MZF1: variants seen among roughly 807,000 people sequenced by gnomAD.
The protein encoded by MZF1 is zinc finger and SCAN domain-containing protein 6.
MZF1 carries 24 observed loss-of-function variants against 28.6 expected under a neutral mutation model. The ratio of observed to expected loss-of-function variants is 0.84; its 90% CI spans 0.61 to 1.18. The LOEUF (loss-of-function observed/expected upper bound fraction) is 1.18, where lower values mean the gene tolerates loss of function less well. MZF1 is among the 50% of genes most tolerant of loss of function. MZF1 has a pLI of 0.00. For synonymous variants in MZF1, 516 were observed against 432.5 expected (o/e 1.19, Z -2.40); for missense variants, 1,166 against 1,026.4 (o/e 1.14, Z -1.86).
At position 58,562,899 on chromosome 19, in the gene MZF1, G is replaced by T; in HGVS notation, c.1378C>A (p.Arg460Ser). ...RQRSNLLQHQ[R>S]IHGDPPGPGA... ...GGGCCCGGGGGATCGCCGTGGATGC[G>T]CTGGTGCTGCAGCAGATTGGAGCGC... The change falls in exon 6 of 6, where the codon CGC (arginine) becomes AGC (serine). Residue 460 changes from arginine to serine, a missense_variant. Physicochemically the swap from Arg to Ser is moderately radical, Grantham distance 110. Transcript: ENST00000215057. 3 of 1,581,582 alleles carry T rather than the reference G, an allele frequency of 1.9e-6. No homozygotes were observed. The highest frequency in any genetic ancestry group is 1.7e-6 in the Non-Finnish European group (2 of 1,169,788).
intron 4 of MZF1, 28 bp downstream of exon 4, chr19:58,569,488 G>A: frequency 6.2e-7 from 1 of 1,613,144 alleles, no homozygotes; most frequent in Non-Finnish European, 8.5e-7. Context: ...AGGGAAAGGA[G>A]GAGAACATGG....
In MZF1 at chr19:58,562,092, G is replaced by A; in HGVS notation, c.2185C>T (p.Arg729Cys). The change falls in exon 6 of 6, where the codon CGC becomes TGC. Residue 729 changes from arginine (R) to cysteine (C), a missense_variant. By Grantham distance (180) the Arg-to-Cys change is radical. Transcript: ENST00000215057. ...TGGAGCTACTCGGCGCTGTGGACGC[G>A]CTGGTGCTGAATGAGCTTGGTGCTC... ...HQSTKLIQHQ[R>C]VHSAE 1.9e-6 allele frequency: 3 copies of A among 1,571,082 alleles called. No individual in the cohort carries two copies. Among genetic ancestry groups the A allele is most frequent in the Non-Finnish European group, 8.6e-7 (1 of 1,160,144 alleles).
At chr19:58,567,641 T>C (rs544582134) in intron 5 of MZF1, among the ~76,000 whole-genome samples, 161 of 152,266 alleles carry the variant, frequency 1.1e-3, no homozygotes, top group African/African-American at 3.6e-3. Flanking sequence ...CATCCACTCA[T>C]ACTCAAGCTG....
intron 2 of MZF1, 174 bp downstream of exon 2, chr19:58,570,820 G>A: frequency 1.4e-6 from 1 of 714,068 alleles, no homozygotes; most frequent in Admixed American, 2.9e-5. Flanking sequence ...GGGCTGGGGA[G>A]TCTGGCCCTG....
chr19:58,562,197 G>A lies in MZF1; in HGVS notation c.2080C>T (p.Pro694Ser). 1 of 1,607,594 alleles carries A rather than the reference G, an allele frequency of 6.2e-7. No individual in the cohort carries two copies. Residue 694 changes from proline to serine, a missense_variant, in exon 6 of 6, where the codon CCC (proline) becomes TCC (serine). Physicochemically the swap from Pro to Ser is moderately conservative, Grantham distance 74 (BLOSUM62 -1). Coordinates refer to ENST00000215057, the MANE Select transcript of MZF1 (RefSeq NM_198055.2). ...PECGKAFRQR[P>S]TLTQHLRTHR... is the part of the protein sequence containing the mutation. ...GTGCGCAGATGCTGCGTGAGCGTGGGCCGCTGGCGGAAGGCCTTGCCACAC... is the reference window on the plus strand; with the variant it reads ...GTGCGCAGATGCTGCGTGAGCGTGGACCGCTGGCGGAAGGCCTTGCCACAC...
chr19:58,563,469 G>C lies in MZF1; in HGVS notation c.808C>G (p.Pro270Ala), dbSNP rs1378167206. The change falls in exon 6 of 6, where the codon CCA (proline) becomes GCA (alanine). Residue 270 changes from proline (P) to alanine (A), a missense_variant. Transcript: ENST00000215057. ...ALQLGSISAG[P>A]GSVSPHLHVP... ...TGGAGGTGAGGGCTTACACTACCTGGACCTGCGGAGATGCTGCCTAGCTGC... is the reference window on the plus strand; with the variant it reads ...TGGAGGTGAGGGCTTACACTACCTGCACCTGCGGAGATGCTGCCTAGCTGC... 1 of 1,565,532 alleles carries C rather than the reference G, an allele frequency of 6.4e-7. No homozygotes were observed. Among genetic ancestry groups the C allele is most frequent in the African/African-American group, 1.4e-5 (1 of 73,618 alleles).
intron 5 of MZF1, among the ~76,000 whole-genome samples, chr19:58,567,819 T>C (rs116255688): frequency 0.01 from 1,567 of 152,242 alleles, 29 homozygotes; most frequent in African/African-American, 0.036. Context: ...AACACACTGT[T>C]TTTTTTTAAA....
rs1255897731 is a variant in MZF1 at position 58,563,016 on chromosome 19, A to G, written c.1261T>C (p.Phe421Leu). Residue 421 changes from phenylalanine to leucine, a missense_variant, in exon 6 of 6, where the codon TTC (phenylalanine) becomes CTC (leucine). Physicochemically the swap from Phe to Leu is conservative, Grantham distance 22. Coordinates refer to ENST00000215057, the MANE Select transcript of MZF1 (RefSeq NM_198055.2). Reference sequence around the variant, plus strand: ...TCTTCCAGGCGCGCGCTGCGCACGAAGCCCTGGCCACAGTCGCCGCACACG... The same window carrying G: ...TCTTCCAGGCGCGCGCTGCGCACGAGGCCCTGGCCACAGTCGCCGCACACG... ...PFVCGDCGQGFVRSARLEEHR... is the reference protein window; with the variant it reads ...PFVCGDCGQGLVRSARLEEHR... The G allele has an allele frequency of 5.0e-6, 8 of 1,601,936 alleles. No homozygotes were observed. In the Admixed American group the frequency reaches 1.0e-4, roughly 20 times the overall value.
intron 2 of MZF1, 181 bp downstream of exon 2, chr19:58,570,813 C>G: frequency 1.4e-6 from 1 of 693,134 alleles, no homozygotes; most frequent in Non-Finnish European, 2.4e-6. Flanking sequence ...CAGGAATGGG[C>G]TGGGGAGTCT....
intron 3 of MZF1, chr19:58,569,788 C>T: frequency 1.8e-6 from 1 of 556,200 alleles, no homozygotes; most frequent in Non-Finnish European, 3.2e-6. Context: ...GGTTGAGCTG[C>T]AGTGGGATGA....
chr19:58,565,569 G>C (rs2122700914), intron 5 of MZF1, among the ~76,000 whole-genome samples: 1 of 151,546 alleles, frequency 6.6e-6, no homozygotes, highest in African/African-American at 2.4e-5. Flanking sequence ...GTCTCGCTCT[G>C]TTGCCCAGGC....
At chr19:58,572,828 G>A (rs2054191025) in intron 1 of MZF1, 2 of 332,464 alleles carry the variant, frequency 6.0e-6, no homozygotes, top group Admixed American at 4.0e-5. Flanking sequence ...GCCAAGGTAG[G>A]TCCAGACGAC....
chr19:58,562,553 C>T lies in MZF1; in HGVS notation c.1724G>A (p.Gly575Asp). The T allele has an allele frequency of 6.2e-7, 1 of 1,603,780 alleles. No individual in the cohort carries two copies. The change falls in exon 6 of 6, where the codon GGC becomes GAC. Residue 575 changes from glycine to aspartate, a missense_variant. Coordinates refer to ENST00000215057, the MANE Select transcript of MZF1 (RefSeq NM_198055.2). ...GERPFACAEC[G>D]KAFRQRPTLT... is the part of the protein sequence containing the mutation. The stretch of plus-strand genomic sequence containing the variant: ...CGTAGGCCGCTGGCGGAAGGCCTTG[C>T]CACACTCGGCGCAGGCGAAGGGCCG...
rs1006989030 is a variant in MZF1, at chr19:58,573,177, C to T, written c.-163G>A. On this transcript the variant is annotated 5_prime_UTR_variant, in exon 1 of 6. Coordinates refer to ENST00000215057, the MANE Select transcript of MZF1 (RefSeq NM_198055.2). ...GCTCGAGCGCCTCCTTGCCCTTCCC[C>T]CACCCTCGTCCCCGTTTCTACACCC... 6.5e-6 allele frequency: 1 copy of T among 153,550 alleles called. No individual in the cohort carries two copies. The highest frequency in any genetic ancestry group is 1.8e-4 in the South Asian group (1 of 5,656). The allele number at this position is 153,550 out of a possible 1,614,324, so 9.5% of individuals were successfully genotyped here. A position where few individuals can be genotyped will look rare whatever the true frequency, so the allele number is the denominator to read the frequency against.
At chr19:58,564,368 A>G (rs909017899) in intron 5 of MZF1, 3 of 152,268 alleles carry the variant, frequency 2.0e-5, no homozygotes, top group Admixed American at 6.5e-5. Flanking sequence ...GGCAAACCAA[A>G]AAACTCTCCA....
Position 58,562,583 on chromosome 19 carries a change from C to G in MZF1, c.1694G>C (p.Gly565Ala). Residue 565 changes from glycine (G) to alanine (A), a missense_variant, in exon 6 of 6, where the codon GGG (glycine) becomes GCG (alanine). Physicochemically the swap from Gly to Ala is moderately conservative, Grantham distance 60. Coordinates refer to ENST00000215057, the MANE Select transcript of MZF1 (RefSeq NM_198055.2). The part of the protein sequence containing the change: ...NLTQHRRIHT[G>A]ERPFACAECG... ...CTCGGCGCAGGCGAAGGGCCGCTCC[C>G]CGGTGTGGATGCGCCGGTGCTGCGT... The G allele has an allele frequency of 6.3e-7, 1 of 1,592,054 alleles. No homozygotes were observed.
At chr19:58,569,696 G>T in intron 3 of MZF1, 110 bp from the exon 4 acceptor site, 1 of 1,002,374 alleles carries the variant, frequency 1.0e-6, no homozygotes, top group Non-Finnish European at 1.5e-6. Flanking sequence ...TTGGTTGTGG[G>T]CTTGGGTTGG....
intron 5 of MZF1, chr19:58,568,572 T>G (rs1234340911): frequency 6.6e-6 from 1 of 152,212 alleles, no homozygotes; most frequent in Non-Finnish European, 1.5e-5. Flanking sequence ...AAAAGAATTC[T>G]TCCAGCCAAA....
rs10422621 is a variant in MZF1, at chr19:58,571,468, A to G, written c.-40-39T>C. 21,793 of 1,540,362 alleles carry G rather than the reference A, an allele frequency of 0.014. 2,109 individuals are homozygous for G. In the African/African-American group the frequency reaches 0.23, roughly 17 times the overall value. On this transcript the variant is annotated intron_variant, in intron 1 of 5. Coordinates refer to ENST00000215057, the MANE Select transcript of MZF1 (RefSeq NM_198055.2). Reference sequence around the variant, plus strand: ...AGGATGAGGCTGTTGCAAAAGGAGTACAGTGAATGCTTCACTGCCTAGTCT... The same window carrying G: ...AGGATGAGGCTGTTGCAAAAGGAGTGCAGTGAATGCTTCACTGCCTAGTCT...
Sources: allele counts gnomAD v4.1 joint callset (sites outside exome capture counted in the v4.1 genomes callset), GRCh38; gene constraint gnomAD v4.1.1; transcripts MANE v1.5; gene names NCBI Gene and HGNC (gene_info 2026-07-23, HGNC 2026-07-21).